The following ESRRG variants were observed in gnomAD, a reference collection of about 807,000 sequenced individuals.
The protein encoded by ESRRG is estrogen related receptor gamma.
A neutral mutation model predicts 44.0 loss-of-function variants in ESRRG; 13 were observed. That is an observed-to-expected ratio of 0.30 (90% CI 0.19 to 0.47). The LOEUF is 0.47. Ranked by LOEUF, ESRRG falls within the 20% of genes least tolerant of loss-of-function variation. ESRRG has a pLI of 1.00. For missense variants in ESRRG, 395 were observed against 580.6 expected (o/e 0.68, Z 3.29); for synonymous variants, 215 against 214.6 (o/e 1.00, Z -0.02).
chr1:216,515,701 A>G (rs2818959), intron 6 of ESRRG, among the ~76,000 whole-genome samples: 74,211 of 151,862 alleles, frequency 0.49, 19,383 homozygotes, highest in Non-Finnish European at 0.61. Context: ...GATTGGACTC[A>G]CCTGGCTTCA....
intron 3 of ESRRG, among the ~76,000 whole-genome samples, chr1:216,600,403 T>A (rs141964083): frequency 1.3e-5 from 2 of 152,066 alleles, no homozygotes; most frequent in Non-Finnish European, 2.9e-5. Context: ...ACCAGTCTAC[T>A]GGGAAATGTT....
At chr1:216,523,380 C>T (rs1209095182) in intron 5 of ESRRG, among the ~76,000 whole-genome samples, 1 of 152,122 alleles carries the variant, frequency 6.6e-6, no homozygotes, top group South Asian at 2.1e-4. Context: ...GAGGCAGGTA[C>T]CCCTGAGGTA....
intron 1 of ESRRG, among the ~76,000 whole-genome samples, chr1:217,114,175 A>C (rs2092692711): frequency 6.6e-6 from 1 of 152,128 alleles, no homozygotes; most frequent in African/African-American, 2.4e-5. Flanking sequence ...AATAAGTATT[A>C]GGTAGAAGAA....
At chr1:216,806,851 A>G (rs1559711643) in intron 2 of ESRRG, among the ~76,000 whole-genome samples, 1 of 152,090 alleles carries the variant, frequency 6.6e-6, no homozygotes, top group Non-Finnish European at 1.5e-5. Flanking sequence ...TGAAATTTGG[A>G]GAGAATAAAC....
At chr1:216,891,751 G>A (rs1035009757) in intron 2 of ESRRG, among the ~76,000 whole-genome samples, 2 of 151,036 alleles carry the variant, frequency 1.3e-5, no homozygotes, top group Non-Finnish European at 2.9e-5. Context: ...GAAAGAAGAG[G>A]AGGTTTTTAA....
rs12097929 is a variant in ESRRG at position 216,809,395 on chromosome 1, G to A, written c.-14+130187C>T. Among the ~76,000 whole-genome samples, 1,453 of 147,558 alleles carry A rather than the reference G, an allele frequency of 9.8e-3. 26 individuals are homozygous for A. Among genetic ancestry groups the A allele is most frequent in the African/African-American group, 0.034 (1,371 of 40,166 alleles). On this transcript the variant is annotated intron_variant, in intron 2 of 7. Coordinates refer to the ESRRG transcript ENST00000359162. ...GTCATCATTAAAAATGGAACAAAAT[G>A]AATTGGGGACAATAGCTAGCTCCAT...
intron 1 of ESRRG, among the ~76,000 whole-genome samples, chr1:217,057,010 G>A (rs938484021): frequency 3.9e-5 from 6 of 152,058 alleles, no homozygotes; most frequent in Non-Finnish European, 1.5e-5. Context: ...GAGTACAAGG[G>A]GCACATGGGA....
intron 2 of ESRRG, among the ~76,000 whole-genome samples, chr1:216,675,167 C>T (rs1370151356): frequency 6.6e-6 from 1 of 151,850 alleles, no homozygotes; most frequent in African/African-American, 2.4e-5. Flanking sequence ...TCGAGACCAG[C>T]CTGGCCAATG....
chr1:216,507,974 T>A (rs1417065575), intron 6 of ESRRG, among the ~76,000 whole-genome samples: 2 of 152,202 alleles, frequency 1.3e-5, no homozygotes, highest in Admixed American at 1.3e-4. Flanking sequence ...AAGTTACAGC[T>A]CCAGCTCTAA....
At position 216,644,139 on chromosome 1, in the gene ESRRG, C is replaced by T. The variant is rs150258701; in HGVS notation, c.589+6834G>A. On this transcript the variant is annotated intron_variant, in intron 3 of 6. Transcript: ENST00000408911. ...TTATCTGACTAATGAGAATCTGATACCCAGGGTCCCAATTTTCTATACTGG... is the reference window on the plus strand; with the variant it reads ...TTATCTGACTAATGAGAATCTGATATCCAGGGTCCCAATTTTCTATACTGG... 1.0e-3 allele frequency among the ~76,000 whole-genome samples: 159 copies of T among 152,220 alleles called. 1 individual carries two copies. Among genetic ancestry groups the T allele is most frequent in the African/African-American group, 3.6e-3 (151 of 41,538 alleles).
chr1:216,957,715 C>T (rs3098286), intron 1 of ESRRG, among the ~76,000 whole-genome samples: 99,692 of 152,012 alleles, frequency 0.66, 35,791 homozygotes, highest in Non-Finnish European at 0.82. Context: ...TCTCCACCCT[C>T]GGCCTCTTCA....
At chr1:217,031,918 T>C (rs1199419938) in intron 1 of ESRRG, among the ~76,000 whole-genome samples, 2 of 152,192 alleles carry the variant, frequency 1.3e-5, no homozygotes, top group Non-Finnish European at 2.9e-5. Context: ...TTAAAACTCT[T>C]TTCTTTATAA....
intron 1 of ESRRG, among the ~76,000 whole-genome samples, chr1:217,085,454 T>C (rs2092018283): frequency 6.6e-6 from 1 of 151,266 alleles, no homozygotes; most frequent in Non-Finnish European, 1.5e-5. Context: ...GAAAGATTTT[T>C]TTTTTCTTTC....
At chr1:216,718,282 C>T (rs1014530950) in intron 1 of ESRRG, among the ~76,000 whole-genome samples, 7 of 151,842 alleles carry the variant, frequency 4.6e-5, no homozygotes, top group Non-Finnish European at 7.4e-5. Context: ...AGCAGCATAC[C>T]TATAATCTAC....
At chr1:216,830,805 G>A (rs1481831973) in intron 2 of ESRRG, among the ~76,000 whole-genome samples, 2 of 152,036 alleles carry the variant, frequency 1.3e-5, no homozygotes, top group Non-Finnish European at 2.9e-5. Context: ...CATTATCATC[G>A]GAGATACAGG....
chr1:217,065,051 T>G (rs2089392710), intron 1 of ESRRG, among the ~76,000 whole-genome samples: 1 of 152,202 alleles, frequency 6.6e-6, no homozygotes, highest in Non-Finnish European at 1.5e-5. Flanking sequence ...CTATAGCTCC[T>G]TGACGGGAAG....
chr1:216,777,248 C>A (rs1356669753), intron 2 of ESRRG, among the ~76,000 whole-genome samples: 1 of 152,112 alleles, frequency 6.6e-6, no homozygotes, highest in African/African-American at 2.4e-5. Flanking sequence ...ACTCCTCCAG[C>A]AGTGAGGAGC....
chr1:217,039,464 A>G lies in ESRRG; in HGVS notation c.-106+50043T>C, dbSNP rs1011055250. On this transcript the variant is annotated intron_variant, in intron 1 of 7. Coordinates refer to the ESRRG transcript ENST00000359162. ...CATAAGGCAAGGAGGAGCAAGTCAC[A>G]TCTTATGTGGATGGCAGCAGGCAAA... Among the ~76,000 whole-genome samples, 6 of 152,186 alleles carry G rather than the reference A, an allele frequency of 3.9e-5. 1 individual carries two copies. Among genetic ancestry groups the G allele is most frequent in the Admixed American group, 2.6e-4 (4 of 15,272 alleles).
chr1:216,941,757 TGG>T, intron 1 of ESRRG, among the ~76,000 whole-genome samples: 1 of 152,250 alleles, frequency 6.6e-6, no homozygotes, highest in Admixed American at 6.5e-5. Context: ...TTACTAAGAA[TGG>T]GGGGAAAAAG....
Sources: allele counts gnomAD v4.1 joint callset (sites outside exome capture counted in the v4.1 genomes callset), GRCh38; gene constraint gnomAD v4.1.1; transcripts MANE v1.5; gene names NCBI Gene and HGNC (gene_info 2026-07-23, HGNC 2026-07-21).